Variants in ZNF362 observed in about 807,000 individuals in gnomAD.
The protein encoded by ZNF362 is zinc finger protein 362.
ZNF362 carries 11 observed loss-of-function variants against 42.9 expected under a neutral mutation model. The observed-to-expected ratio is 0.26, with a 90% CI of 0.16 to 0.42. The LOEUF is 0.42. Ranked by LOEUF, ZNF362 falls within the 20% of genes least tolerant of loss-of-function variation. The pLI, the probability that ZNF362 is intolerant of heterozygous loss-of-function variation, is 1.00. For missense variants in ZNF362, 362 were observed against 576.2 expected (o/e 0.63, Z 3.81); for synonymous variants, 255 against 257.3 (o/e 0.99, Z 0.09).
rs1484606815 is a variant in ZNF362, at chr1:33,281,176, AGGATGGAAAGTAT to A, written c.684-407_684-395del. Reference sequence around the variant, plus strand: ...CCAGGAATTCTGAGTTAATTTTCTGAGGATGGAAAGTATGGAGGGTGGGGCAGGCGTTGGTATT... The same window carrying A: ...CCAGGAATTCTGAGTTAATTTTCTGAGGAGGGTGGGGCAGGCGTTGGTATT... On this transcript the variant is annotated intron_variant, in intron 5 of 8. Coordinates refer to ENST00000539719, the MANE Select transcript of ZNF362 (RefSeq NM_152493.3). This position sits in a 1 kb window ranked among gnomAD's most constrained non-coding sequence, Gnocchi z 4.8. Among the ~76,000 whole-genome samples the A allele has an allele frequency of 6.6e-6, 1 of 152,174 alleles. No homozygotes were observed. Among genetic ancestry groups the A allele is most frequent in the Non-Finnish European group, 1.5e-5 (1 of 68,018 alleles).
the ZNF362 span, chr1:33,180,953 T>TGGG: frequency 4.1e-6 from 3 of 724,324 alleles, no homozygotes; most frequent in Non-Finnish European, 5.9e-6. Context: ...GGTCCAGCCC[T>TGGG]GACCCCACCC....
chr1:33,217,526 G>T, the ZNF362 span, among the ~76,000 whole-genome samples: 1 of 152,188 alleles, frequency 6.6e-6, no homozygotes, highest in East Asian at 1.9e-4. Flanking sequence ...CCAGCTTGCT[G>T]TCCTAGCAGG....
the ZNF362 span, among the ~76,000 whole-genome samples, chr1:33,237,506 A>C: frequency 3.9e-5 from 6 of 152,176 alleles, no homozygotes; most frequent in African/African-American, 1.4e-4. Context: ...ATATGGCTCT[A>C]CTACCAGAAA....
At chr1:33,173,113 A>G in the ZNF362 span, among the ~76,000 whole-genome samples, 1 of 152,018 alleles carries the variant, frequency 6.6e-6, no homozygotes. Flanking sequence ...CCCAACCCCA[A>G]TCCTTCATCT....
At chr1:33,282,074 C>T (rs919160407) in intron 6 of ZNF362, 5 of 514,938 alleles carry the variant, frequency 9.7e-6, no homozygotes, top group East Asian at 3.4e-5. Flanking sequence ...CTCTGGCCAT[C>T]CCCTTGTCCT....
Position 33,299,057 on chromosome 1 carries a change from G to T in ZNF362, c.*11G>T, listed in dbSNP as rs1258281553. ...ATCTCTCTCATCTGAGCCCACTGGA[G>T]GCGCCGCCCCACCCGGCCCACTGGC... is the stretch of plus-strand genomic sequence containing the variant. On this transcript the variant is annotated 3_prime_UTR_variant, in exon 9 of 9. Coordinates refer to ENST00000539719, the MANE Select transcript of ZNF362 (RefSeq NM_152493.3). 6.2e-7 allele frequency: 1 copy of T among 1,601,154 alleles called. No homozygotes were observed. Among genetic ancestry groups the T allele is most frequent in the East Asian group, 2.2e-5 (1 of 44,836 alleles).
chr1:33,195,518 A>G, the ZNF362 span: 1 of 152,246 alleles, frequency 6.6e-6, no homozygotes, highest in African/African-American at 2.4e-5. Flanking sequence ...GTCATAGCCT[A>G]CTACACACCT....
chr1:33,186,409 GC>G, the ZNF362 span, among the ~76,000 whole-genome samples: 1 of 152,012 alleles, frequency 6.6e-6, no homozygotes, highest in Non-Finnish European at 1.5e-5. Context: ...TGCTTGATAA[GC>G]TTTGTTCAGA....
At chr1:33,187,587 C>T in the ZNF362 span, among the ~76,000 whole-genome samples, 1 of 152,190 alleles carries the variant, frequency 6.6e-6, no homozygotes, top group Non-Finnish European at 1.5e-5. Context: ...TTTCTAGATG[C>T]CCCTCACCTG....
At chr1:33,288,815 G>A (rs945858299) in intron 6 of ZNF362, among the ~76,000 whole-genome samples, 6 of 149,626 alleles carry the variant, frequency 4.0e-5, no homozygotes, top group Non-Finnish European at 8.9e-5. Context: ...GCAGATGTGG[G>A]AGCTGGGGCT....
At chr1:33,189,676 T>TACACAC in the ZNF362 span, among the ~76,000 whole-genome samples, 1,967 of 22,640 alleles carry the variant, frequency 0.087, 139 homozygotes, top group African/African-American at 0.16. Context: ...TATATATGTA[T>TACACAC]ATATATACGT....
chr1:33,242,950 C>T, the ZNF362 span, among the ~76,000 whole-genome samples: 3 of 152,062 alleles, frequency 2.0e-5, no homozygotes, highest in African/African-American at 7.2e-5. Flanking sequence ...GAGGGAGGAA[C>T]CTGGATTGTG....
At chr1:33,156,953 C>A in the ZNF362 span, among the ~76,000 whole-genome samples, 1 of 149,232 alleles carries the variant, frequency 6.7e-6, no homozygotes, top group African/African-American at 2.5e-5. Context: ...ACTACCACCA[C>A]CCTGCTTCAC....
rs748965426 is a variant in ZNF362, at chr1:33,276,333, C to T, written c.103-15C>T. 1.9e-6 allele frequency: 3 copies of T among 1,546,936 alleles called. No homozygotes were observed. Among genetic ancestry groups the T allele is most frequent in the Non-Finnish European group, 2.6e-6 (3 of 1,142,882 alleles). On this transcript the variant is annotated splice_polypyrimidine_tract_variant and intron_variant, in intron 3 of 8. Coordinates refer to ENST00000539719, the MANE Select transcript of ZNF362 (RefSeq NM_152493.3). ...GTGGTCCAGACCTCCTCAGCCCGTC[C>T]TCTTCTTCCCGCAGCTGGACAACCT...
chr1:33,194,810 A>C, the ZNF362 span: 1 of 152,136 alleles, frequency 6.6e-6, no homozygotes, highest in Non-Finnish European at 1.5e-5. Flanking sequence ...AAAATATGAA[A>C]GATAAAAATC....
At chr1:33,141,568 C>T in the ZNF362 span, among the ~76,000 whole-genome samples, 1 of 152,206 alleles carries the variant, frequency 6.6e-6, no homozygotes, top group South Asian at 2.1e-4. Context: ...GCCTCTGATG[C>T]CAGCTTCCTG....
rs72658210 is a variant in ZNF362, at chr1:33,299,349, G to T, written c.*303G>T. ...TTGCTTCACTGTTTTTTTTTTTTTC[G>T]TTTTTTTTTTTTAAGTTTGTTTTGG... On this transcript the variant is annotated 3_prime_UTR_variant, in exon 9 of 9. Transcript: ENST00000539719. 1,732 of 130,958 alleles carry T rather than the reference G, an allele frequency of 0.013. 38 individuals carry two copies. Among genetic ancestry groups the T allele is most frequent in the African/African-American group, 0.07 (1,585 of 22,706 alleles). 8.1% of individuals were successfully genotyped at this position (130,958 alleles called of 1,614,324 possible).
At chr1:33,202,756 T>C in the ZNF362 span, among the ~76,000 whole-genome samples, 8 of 152,086 alleles carry the variant, frequency 5.3e-5, no homozygotes, top group African/African-American at 1.7e-4. Context: ...AAAAAAAATT[T>C]ATAAAAGCCA....
At chr1:33,214,680 C>T in the ZNF362 span, among the ~76,000 whole-genome samples, 1 of 151,950 alleles carries the variant, frequency 6.6e-6, no homozygotes, top group African/African-American at 2.4e-5. Flanking sequence ...AAAAAGTGGG[C>T]AAAAGATCCA....
Sources: gnomAD v4.1 joint callset for allele counts (sites outside exome capture counted in the v4.1 genomes callset) on GRCh38, gnomAD v4.1.1 for gene constraint, Gnocchi (gnomAD v3.1) non-coding constraint, MANE v1.5 for transcripts, NCBI Gene and HGNC (gene_info 2026-07-23, HGNC 2026-07-21) for gene names.